Variants in KCNQ2 observed in about 807,000 individuals in gnomAD.
KCNQ2 encodes potassium voltage-gated channel subfamily Q member 2, also known as potassium voltage-gated channel subfamily KQT member 2.
Under a neutral mutation model 84.8 loss-of-function variants are expected in KCNQ2, and 14 were observed. The observed-to-expected ratio is 0.17, with a 90% confidence interval of 0.11 to 0.26. The LOEUF (loss-of-function observed/expected upper bound fraction) is 0.26. Ranked by LOEUF, KCNQ2 falls within the 10% of genes least tolerant of loss-of-function variation. KCNQ2 has a pLI of 1.00. For synonymous variants in KCNQ2, 599 were observed against 554.1 expected, an observed-to-expected ratio of 1.08 and a Z score of -1.14; for missense variants, 788 against 1,254.0, an observed-to-expected ratio of 0.63 and a Z score of 5.61.
intron 5 of KCNQ2, 79 bp from the exon 6 acceptor site, chr20:63,439,787 G>A (rs1041753987): frequency 3.7e-5 from 41 of 1,095,978 alleles, no homozygotes; most frequent in African/African-American, 1.7e-4. Context: ...CTGGCGACTC[G>A]GGGCTTGGGA....
At position 63,400,905 on chromosome 20, in the gene KCNQ2, C is replaced by G; in HGVS notation, c.*5739G>C. On this transcript the variant is annotated 3_prime_UTR_variant, in exon 17 of 17. Coordinates refer to ENST00000359125, the MANE Select transcript of KCNQ2 (RefSeq NM_172107.4). This position sits in a 1 kb window ranked among gnomAD's most constrained non-coding sequence, Gnocchi z 8.7. Reference sequence around the variant, plus strand: ...CCAGGGCGTCCGTACCTGGCACAGCCAGGGGGCATGGGGCGACCTCAGGGA... The same window carrying G: ...CCAGGGCGTCCGTACCTGGCACAGCGAGGGGGCATGGGGCGACCTCAGGGA... 1 of 398,316 alleles carries G rather than the reference C, an allele frequency of 2.5e-6. No individual in the cohort carries two copies. The highest frequency in any genetic ancestry group is 1.3e-4 in the South Asian group (1 of 7,858). 24.7% of individuals were successfully genotyped at this position (398,316 alleles called of 1,614,324 possible). A position where few individuals can be genotyped will look rare whatever the true frequency, so the allele number is the denominator to read the frequency against.
At position 63,446,660 on chromosome 20, in the gene KCNQ2, T is replaced by C; in HGVS notation, c.387+87A>G. 2 of 1,133,994 alleles carry C rather than the reference T, an allele frequency of 1.8e-6. No homozygotes were observed. The highest frequency in any genetic ancestry group is 2.7e-6 in the Non-Finnish European group (2 of 747,164). The allele number at this position is 1,133,994 out of a possible 1,614,324, so 70.2% of individuals were successfully genotyped here. ...CTGGGGCTGGGGGCGTCAGAGGCCCTGTAGTAACAGGAACGGAAGACAGAC... is the reference window on the plus strand; with the variant it reads ...CTGGGGCTGGGGGCGTCAGAGGCCCCGTAGTAACAGGAACGGAAGACAGAC... On this transcript the variant is annotated intron_variant, in intron 2 of 16. Transcript: ENST00000359125. The surrounding 1 kb of genome is among the most constrained non-coding windows in gnomAD (Gnocchi z 5.5).
At chr20:63,455,674 C>T (rs1368320663) in intron 1 of KCNQ2, among the ~76,000 whole-genome samples, 1 of 152,006 alleles carries the variant, frequency 6.6e-6, no homozygotes, top group East Asian at 1.9e-4. Flanking sequence ...AGTCCTGGGG[C>T]CCCCACCGCC....
In KCNQ2 at chr20:63,408,112, C is replaced by A. The variant is rs1601547741; in HGVS notation, c.1887+301G>T. ...GAGGAAGGCCAGGCAGGTACAACTT[C>A]CGGCACGTTCCACAAGGAACCCCTG... On this transcript the variant is annotated intron_variant, in intron 16 of 16. Transcript: ENST00000359125. The surrounding 1 kb of genome is among the most constrained non-coding windows in gnomAD (Gnocchi z 5.0). The A allele has an allele frequency of 2.4e-6, 1 of 421,086 alleles. No individual in the cohort carries two copies. Among genetic ancestry groups the A allele is most frequent in the Non-Finnish European group, 4.5e-6 (1 of 224,224 alleles). 26.1% of individuals were successfully genotyped at this position (421,086 alleles called of 1,614,324 possible). A position where few individuals can be genotyped will look rare whatever the true frequency, so the allele number is the denominator to read the frequency against.
chr20:63,423,893 T>G, intron 11 of KCNQ2: 1 of 505,344 alleles, frequency 2.0e-6, no homozygotes, highest in Non-Finnish European at 3.6e-6. Context: ...GGGCCAGACT[T>G]GTGGGCGGGG....
intron 12 of KCNQ2, among the ~76,000 whole-genome samples, chr20:63,417,559 G>A (rs570156057): frequency 6.6e-6 from 1 of 152,330 alleles, no homozygotes; most frequent in East Asian, 1.9e-4. Flanking sequence ...CCGGTGCTGA[G>A]GGCTTGCAGT....
rs886743845 is a variant in KCNQ2, at chr20:63,444,607, G to A, written c.690+52C>T. The A allele has an allele frequency of 3.4e-6, 5 of 1,456,046 alleles. No homozygotes were observed. In the African/African-American group the frequency reaches 4.2e-5, roughly 12 times the overall value. The allele number at this position is 1,456,046 out of a possible 1,614,324, so 90.2% of individuals were successfully genotyped here. On this transcript the variant is annotated intron_variant, in intron 4 of 16. Coordinates refer to ENST00000359125, the MANE Select transcript of KCNQ2 (RefSeq NM_172107.4). The stretch of plus-strand genomic sequence containing the variant: ...CAGGGGTGGGGCCCGGTCTGGGCCA[G>A]GACTCTCGCTGGCTGGGGGCGCCCA...
At chr20:63,462,043 T>TACCCCAGGGAGCAGGGAGGAGGCTGCAC (rs2081968869) in intron 1 of KCNQ2, among the ~76,000 whole-genome samples, 2 of 35,418 alleles carry the variant, frequency 5.6e-5, no homozygotes, top group African/African-American at 1.3e-4. Context: ...GGAGGCTGCA[T>TACCCCAGGGAGCAGGGAGGAGGCTGCAC]CTACCCCAGG....
rs567770721 is a variant in KCNQ2, at chr20:63,426,960, C to T, written c.1217+1407G>A. Among the ~76,000 whole-genome samples the T allele has an allele frequency of 1.2e-3, 185 of 152,364 alleles. 1 individual carries two copies. The highest frequency in any genetic ancestry group is 7.1e-4 in the Non-Finnish European group (48 of 68,040). ...CAGAGGCCGGGCACAGTGGCTCACGCCTGTAATCCCAGCACTTTGGGAGGC... is the reference window on the plus strand; with the variant it reads ...CAGAGGCCGGGCACAGTGGCTCACGTCTGTAATCCCAGCACTTTGGGAGGC... On this transcript the variant is annotated intron_variant, in intron 10 of 16. Coordinates refer to ENST00000359125, the MANE Select transcript of KCNQ2 (RefSeq NM_172107.4).
rs1241628501 is a variant in KCNQ2, at chr20:63,446,932, G to T, written c.297-95C>A. The T allele has an allele frequency of 6.5e-6, 7 of 1,076,730 alleles. No individual in the cohort carries two copies. Among genetic ancestry groups the T allele is most frequent in the East Asian group, 2.4e-5 (1 of 42,288 alleles). The allele number at this position is 1,076,730 out of a possible 1,614,324, so 66.7% of individuals were successfully genotyped here. A position where few individuals can be genotyped will look rare whatever the true frequency, so the allele number is the denominator to read the frequency against. The stretch of plus-strand genomic sequence containing the variant: ...TCAGGACCCCACTCCCCACCAGGCC[G>T]CAGCAGGGCACCAGCATGGCCGCGT... On this transcript the variant is annotated intron_variant, in intron 1 of 16. Coordinates refer to ENST00000359125, the MANE Select transcript of KCNQ2 (RefSeq NM_172107.4). The surrounding 1 kb of genome is among the most constrained non-coding windows in gnomAD (Gnocchi z 5.5).
At chr20:63,458,817 C>T (rs548148707) in intron 1 of KCNQ2, among the ~76,000 whole-genome samples, 2 of 152,356 alleles carry the variant, frequency 1.3e-5, no homozygotes, top group South Asian at 4.1e-4. Context: ...GGGGCCCACA[C>T]TCAGGCGTCA....
chr20:63,421,245 C>A (rs1387450504), intron 11 of KCNQ2, among the ~76,000 whole-genome samples: 3 of 152,244 alleles, frequency 2.0e-5, no homozygotes, highest in African/African-American at 7.2e-5. Flanking sequence ...CGTCCTGTAG[C>A]CACACTGAAG....
intron 1 of KCNQ2, among the ~76,000 whole-genome samples, chr20:63,453,504 G>A (rs887340363): frequency 2.3e-4 from 35 of 152,350 alleles, no homozygotes; most frequent in Non-Finnish European, 3.5e-4. Context: ...TCTGCCTAAC[G>A]GGGTTTTCTC....
chr20:63,412,417 C>G (rs537572074), intron 15 of KCNQ2, among the ~76,000 whole-genome samples: 10 of 152,240 alleles, frequency 6.6e-5, no homozygotes, highest in African/African-American at 2.4e-4. Flanking sequence ...CACACGCACA[C>G]GCAGCCAGGG....
At chr20:63,433,955 G>A (rs1464636194) in intron 7 of KCNQ2, 52 bp from the exon 8 acceptor site, 2 of 1,526,884 alleles carry the variant, frequency 1.3e-6, no homozygotes, top group African/African-American at 1.4e-5. Flanking sequence ...CGAGGGGCGC[G>A]CCCAGGAGGG....
chr20:63,451,153 A>C (rs1289164306), intron 1 of KCNQ2, among the ~76,000 whole-genome samples: 1 of 149,614 alleles, frequency 6.7e-6, no homozygotes, highest in Non-Finnish European at 1.5e-5. Context: ...AAAAAAAAAA[A>C]GAAACAAACA....
chr20:63,467,460 G>C (rs1395205801), intron 1 of KCNQ2, among the ~76,000 whole-genome samples: 1 of 152,156 alleles, frequency 6.6e-6, no homozygotes, highest in South Asian at 2.1e-4. Context: ...GGCTAGCCTG[G>C]CTCCTCTACG....
rs532008747 is a variant in KCNQ2, at chr20:63,458,487, C to T, written c.297-11650G>A. Among the ~76,000 whole-genome samples the T allele has an allele frequency of 8.5e-5, 13 of 152,306 alleles. 1 individual carries two copies. In the South Asian group the frequency reaches 2.1e-3, roughly 24 times the overall value. ...CTCTCCTACCCGCAGGTCCCAGAGC[C>T]GCCCCCTCATCCCCCAGGCTTCAAT... On this transcript the variant is annotated intron_variant, in intron 1 of 16. Coordinates refer to ENST00000359125, the MANE Select transcript of KCNQ2 (RefSeq NM_172107.4).
chr20:63,455,424 C>T (rs919223661), intron 1 of KCNQ2, among the ~76,000 whole-genome samples: 3 of 152,274 alleles, frequency 2.0e-5, no homozygotes, highest in African/African-American at 7.2e-5. Flanking sequence ...TGGGGCTCAC[C>T]GCACGTCCCT....
Sources: gnomAD v4.1 joint callset for allele counts (sites outside exome capture counted in the v4.1 genomes callset) on GRCh38, gnomAD v4.1.1 for gene constraint, Gnocchi (gnomAD v3.1) non-coding constraint, MANE v1.5 for transcripts, NCBI Gene and HGNC (gene_info 2026-07-23, HGNC 2026-07-21) for gene names.